Variants in NALF1 observed in about 807,000 individuals in gnomAD.
NALF1 encodes NALCN channel auxiliary factor 1.
A neutral mutation model predicts 48.4 loss-of-function variants in NALF1; 3 were observed. The observed-to-expected ratio is 0.06, with a 90% CI of 0.03 to 0.16. The LOEUF (loss-of-function observed/expected upper bound fraction) is 0.16. Ranked by LOEUF, NALF1 falls within the 10% of genes least tolerant of loss-of-function variation. NALF1 has a pLI of 1.00. For synonymous variants in NALF1, 262 were observed against 245.7 expected (o/e 1.07, Z -0.62); for missense variants, 526 against 571.5 (o/e 0.92, Z 0.81).
intron 1 of NALF1, among the ~76,000 whole-genome samples, chr13:107,328,807 C>T (rs1398086597): frequency 6.6e-6 from 1 of 152,222 alleles, no homozygotes; most frequent in Non-Finnish European, 1.5e-5. Context: ...GGCTCAACCA[C>T]AGAGTGGTGG....
intron 1 of NALF1, among the ~76,000 whole-genome samples, chr13:107,464,040 A>G (rs1884960285): frequency 6.6e-6 from 1 of 152,142 alleles, no homozygotes; most frequent in Non-Finnish European, 1.5e-5. Context: ...GAATAGTAAG[A>G]ATGTCTTTCC....
At chr13:107,773,628 T>TAA (rs1481597520) in intron 1 of NALF1, among the ~76,000 whole-genome samples, 1 of 148,778 alleles carries the variant, frequency 6.7e-6, no homozygotes, top group African/African-American at 2.5e-5. Flanking sequence ...CCTTATCATT[T>TAA]AAAAATAATG....
chr13:107,308,791 T>A (rs1046438009), intron 1 of NALF1, among the ~76,000 whole-genome samples: 1 of 152,208 alleles, frequency 6.6e-6, no homozygotes, highest in African/African-American at 2.4e-5. Flanking sequence ...TAACCACAGA[T>A]GAATCGCAAC....
chr13:107,551,468 A>T (rs1366716909), intron 1 of NALF1, among the ~76,000 whole-genome samples: 1 of 152,202 alleles, frequency 6.6e-6, no homozygotes, highest in Non-Finnish European at 1.5e-5. Context: ...AATGAATGAG[A>T]TACAATATCT....
At chr13:107,499,975 A>G (rs978363878) in intron 1 of NALF1, among the ~76,000 whole-genome samples, 3 of 152,206 alleles carry the variant, frequency 2.0e-5, no homozygotes, top group Non-Finnish European at 4.4e-5. Flanking sequence ...AACGTCAGAT[A>G]TAAAAGTAGC....
At chr13:107,531,887 T>G (rs1253438458) in intron 1 of NALF1, among the ~76,000 whole-genome samples, 2 of 152,166 alleles carry the variant, frequency 1.3e-5, no homozygotes, top group Non-Finnish European at 2.9e-5. Context: ...AAAATTAATT[T>G]TATGCTTATA....
chr13:107,520,993 A>G (rs1876219158), intron 1 of NALF1, among the ~76,000 whole-genome samples: 1 of 152,150 alleles, frequency 6.6e-6, no homozygotes, highest in Non-Finnish European at 1.5e-5. Context: ...ATTTTAACAT[A>G]CATTGAGGTA....
chr13:107,402,870 CAT>C, intron 1 of NALF1, among the ~76,000 whole-genome samples: 1 of 152,116 alleles, frequency 6.6e-6, no homozygotes, highest in Non-Finnish European at 1.5e-5. Flanking sequence ...CTGAAGAAAA[CAT>C]GATAATCAAT....
At chr13:107,179,430 T>G (rs1879014986) in intron 2 of NALF1, among the ~76,000 whole-genome samples, 2 of 152,026 alleles carry the variant, frequency 1.3e-5, no homozygotes, top group South Asian at 4.1e-4. Flanking sequence ...TTAGATAGAA[T>G]GAGTATGATC....
At chr13:107,775,300 G>A (rs1028864222) in intron 1 of NALF1, among the ~76,000 whole-genome samples, 2 of 146,624 alleles carry the variant, frequency 1.4e-5, no homozygotes, top group Non-Finnish European at 3.0e-5. Flanking sequence ...GTGAGAATAT[G>A]CGGTGTTTGG....
At chr13:107,339,500 G>A (rs138979877) in intron 1 of NALF1, among the ~76,000 whole-genome samples, 1 of 152,082 alleles carries the variant, frequency 6.6e-6, no homozygotes, top group Non-Finnish European at 1.5e-5. Flanking sequence ...AACAAAGCCC[G>A]AGGGATAGTG....
chr13:107,369,375 C>G (rs1438114485), intron 1 of NALF1, among the ~76,000 whole-genome samples: 4 of 152,012 alleles, frequency 2.6e-5, no homozygotes, highest in Non-Finnish European at 5.9e-5. Context: ...TTGCCTATGT[C>G]AAGTGGTAAA....
intron 1 of NALF1, chr13:107,466,592 A>G (rs754261380): frequency 2.9e-5 from 4 of 137,952 alleles, no homozygotes; most frequent in Non-Finnish European, 3.4e-5. Flanking sequence ...GCTTCCAGGT[A>G]GGACAACAAC....
rs1162540799 is a variant in NALF1 at position 107,170,567 on chromosome 13, G to A, written c.1307C>T (p.Ala436Val). The A allele has an allele frequency of 3.1e-6, 5 of 1,614,106 alleles. No individual in the cohort carries two copies. The highest frequency in any genetic ancestry group is 4.2e-6 in the Non-Finnish European group (5 of 1,180,028). ...AAAGCTCAGTCCGGCTGTGTTCTGT[G>A]CTGCCGAGGCTGTGAGCACTGTGTG... ...LLHTVLTASA[A>V]QNTAGLSFGG... The change falls in exon 3 of 3, where the codon GCA (alanine) becomes GTA (valine). Residue 436 changes from alanine (A) to valine (V), a missense_variant. Transcript: ENST00000375915.
chr13:107,529,014 G>T (rs79463629), intron 1 of NALF1, among the ~76,000 whole-genome samples: 219 of 152,198 alleles, frequency 1.4e-3, no homozygotes, highest in African/African-American at 4.8e-3. Context: ...TCCAATAAAA[G>T]TATGAATTTT....
intron 1 of NALF1, among the ~76,000 whole-genome samples, chr13:107,576,425 C>T (rs1457001914): frequency 6.6e-6 from 1 of 152,082 alleles, no homozygotes; most frequent in African/African-American, 2.4e-5. Flanking sequence ...TAAGTTTATA[C>T]CCTACTACAT....
intron 1 of NALF1, among the ~76,000 whole-genome samples, chr13:107,442,833 T>C (rs1385200867): frequency 6.6e-6 from 1 of 152,174 alleles, no homozygotes; most frequent in Non-Finnish European, 1.5e-5. Flanking sequence ...TCGGCATTGA[T>C]ATAATGGTTA....
chr13:107,856,263 T>C (rs75349207), intron 1 of NALF1, among the ~76,000 whole-genome samples: 1,615 of 152,234 alleles, frequency 0.011, 27 homozygotes, highest in African/African-American at 0.037. Context: ...CCCCAAAGAA[T>C]TGGATGTGGA....
Position 107,866,005 on chromosome 13 carries a change from C to G in NALF1, c.592G>C (p.Gly198Arg). 6.2e-7 allele frequency: 1 copy of G among 1,612,204 alleles called. No individual in the cohort carries two copies. Among genetic ancestry groups the G allele is most frequent in the Non-Finnish European group, 8.5e-7 (1 of 1,179,954 alleles). ...TCCTGCCCGTCCCCCCCGGCCGCCC[C>G]CCGACTCCAGTTCCTGGCGCACACC... ...DAVCARNWSR[G>R]AAGGDGQEVR... Residue 198 changes from glycine to arginine, a missense_variant, in exon 1 of 3, where the codon GGG becomes CGG. Physicochemically the swap from Gly to Arg is moderately radical, Grantham distance 125. Transcript: ENST00000375915. The surrounding 1 kb of genome is among the most constrained non-coding windows in gnomAD (Gnocchi z 4.4).
Sources: gnomAD v4.1 joint callset for allele counts (sites outside exome capture counted in the v4.1 genomes callset) on GRCh38, gnomAD v4.1.1 for gene constraint, Gnocchi (gnomAD v3.1) non-coding constraint, MANE v1.5 for transcripts, NCBI Gene and HGNC (gene_info 2026-07-23, HGNC 2026-07-21) for gene names.